The following NTM variants were observed in gnomAD, a reference collection of about 807,000 sequenced individuals.
NTM encodes the protein neurotrimin.
NTM carries 13 observed loss-of-function variants against 42.1 expected under a neutral mutation model. The ratio of observed to expected loss-of-function variants is 0.31; its 90% CI spans 0.20 to 0.49. The LOEUF (loss-of-function observed/expected upper bound fraction) is 0.49, where lower values mean the gene tolerates loss of function less well. NTM is among the 20% of genes least tolerant of loss of function. The probability of loss-of-function intolerance (pLI) is 0.99; values close to 1 mark genes in which losing one functional copy is unlikely to be tolerated. For missense variants in NTM, 373 were observed against 452.8 expected (o/e 0.82, Z 1.60); for synonymous variants, 187 against 179.2 (o/e 1.04, Z -0.35).
chr11:131,604,121 C>T (rs1316040870), intron 1 of NTM, among the ~76,000 whole-genome samples: 1 of 152,144 alleles, frequency 6.6e-6, no homozygotes, highest in African/African-American at 2.4e-5. Context: ...AAAATGTGGA[C>T]ACACCATTTG....
At chr11:131,521,383 CTTTTTTTTTTTTTTTTTTTTTTTTTTT>C (rs773233050) in intron 1 of NTM, among the ~76,000 whole-genome samples, 1 of 45,720 alleles carries the variant, frequency 2.2e-5, no homozygotes, top group Non-Finnish European at 3.9e-5. Flanking sequence ...AGGTGCCAGT[CTTTTTTTTTTTTTTTTTTTTTTTTTTT>C]TTTTTTTTTT....
chr11:131,902,669 G>T (rs1402509660), intron 1 of NTM, among the ~76,000 whole-genome samples: 1 of 152,098 alleles, frequency 6.6e-6, no homozygotes. Flanking sequence ...TATATGTTTG[G>T]TGTGGAAATG....
chr11:131,448,996 A>G (rs796527182), intron 1 of NTM, among the ~76,000 whole-genome samples: 6 of 152,312 alleles, frequency 3.9e-5, no homozygotes, highest in African/African-American at 1.2e-4. Context: ...GCAATGGCCT[A>G]CAATAGGCAC....
At chr11:132,004,694 G>T (rs1485471223) in intron 2 of NTM, among the ~76,000 whole-genome samples, 3 of 150,548 alleles carry the variant, frequency 2.0e-5, no homozygotes, top group African/African-American at 7.3e-5. Context: ...CAGGTGCATT[G>T]TATCAGCTGG....
chr11:132,058,392 C>T (rs1167036908), intron 2 of NTM, among the ~76,000 whole-genome samples: 2 of 152,166 alleles, frequency 1.3e-5, no homozygotes, highest in African/African-American at 4.8e-5. Context: ...AGAACTCTGC[C>T]CTGCGAAGCG....
chr11:131,700,698 A>T lies in NTM; in HGVS notation c.83-210866A>T, dbSNP rs76504733. ...GCACCTCATCCTCAGTGTGTGCAGA[A>T]CTGATGTAACCCTTATTCCCCTGAA... On this transcript the variant is annotated intron_variant, in intron 1 of 8. Coordinates refer to ENST00000683400, the MANE Select transcript of NTM (RefSeq NM_001352005.2). Among the ~76,000 whole-genome samples the T allele has an allele frequency of 4.7e-3, 715 of 152,332 alleles. 1 individual carries two copies. Among genetic ancestry groups the T allele is most frequent in the Middle Eastern group, 0.01 (3 of 294 alleles).
intron 2 of NTM, among the ~76,000 whole-genome samples, chr11:132,099,812 A>C (rs6590623): frequency 1.3e-5 from 2 of 152,060 alleles, no homozygotes; most frequent in Non-Finnish European, 2.9e-5. Context: ...CATAAAAAGC[A>C]TTGTAACAAC....
intron 2 of NTM, among the ~76,000 whole-genome samples, chr11:132,060,254 A>T (rs2080432608): frequency 6.6e-6 from 1 of 152,214 alleles, no homozygotes; most frequent in South Asian, 2.1e-4. Flanking sequence ...GTGTCTTATT[A>T]CAAGTCTCTT....
At chr11:132,120,928 A>G (rs574556748) in intron 2 of NTM, among the ~76,000 whole-genome samples, 37 of 152,044 alleles carry the variant, frequency 2.4e-4, no homozygotes, top group Non-Finnish European at 5.4e-4. Context: ...GTGTGTGTGT[A>G]TGTTTGAGAG....
chr11:131,953,302 C>A lies in NTM; in HGVS notation c.167+41654C>A, dbSNP rs568813480. Among the ~76,000 whole-genome samples, 3 of 152,182 alleles carry A rather than the reference C, an allele frequency of 2.0e-5. No individual in the cohort carries two copies. The South Asian group carries it at 6.2e-4, about 32-fold the overall frequency. ...TTTATAAGATAGTTTCACGATATAT[C>A]TTAGGACTAAAATTGAGATCTATCC... On this transcript the variant is annotated intron_variant, in intron 2 of 8. Transcript: ENST00000683400.
chr11:131,421,564 A>C (rs577746334), intron 1 of NTM, among the ~76,000 whole-genome samples: 1 of 152,348 alleles, frequency 6.6e-6, no homozygotes, highest in East Asian at 1.9e-4. Context: ...AAGCTACTGC[A>C]TATGCAGTTC....
At chr11:131,977,454 G>T (rs77447273) in intron 2 of NTM, among the ~76,000 whole-genome samples, 138 of 152,284 alleles carry the variant, frequency 9.1e-4, no homozygotes, top group Non-Finnish European at 7.2e-4. Context: ...TCACTCAGGC[G>T]CATACCTCTT....
At chr11:131,878,388 T>C (rs2048844077) in intron 1 of NTM, among the ~76,000 whole-genome samples, 1 of 151,368 alleles carries the variant, frequency 6.6e-6, no homozygotes, top group Non-Finnish European at 1.5e-5. Context: ...CTGGCCAACA[T>C]GGTGAAACAC....
intron 1 of NTM, among the ~76,000 whole-genome samples, chr11:131,775,160 C>G (rs997433778): frequency 3.3e-5 from 5 of 152,198 alleles, no homozygotes; most frequent in African/African-American, 1.2e-4. Flanking sequence ...AAAACAGTCA[C>G]CTGAGTTTTA....
At chr11:131,372,833 T>G (rs1359726858) in intron 1 of NTM, among the ~76,000 whole-genome samples, 2 of 152,042 alleles carry the variant, frequency 1.3e-5, no homozygotes, top group African/African-American at 4.8e-5. Flanking sequence ...AAGCATAATA[T>G]TTGCTCATAC....
intron 2 of NTM, among the ~76,000 whole-genome samples, chr11:131,995,165 G>A (rs766624177): frequency 3.3e-5 from 5 of 152,150 alleles, no homozygotes; most frequent in Non-Finnish European, 5.9e-5. Context: ...ATGATCCATG[G>A]TAAGGATGGG....
intron 1 of NTM, among the ~76,000 whole-genome samples, chr11:131,874,087 C>A (rs1204056076): frequency 2.2e-5 from 2 of 90,156 alleles, no homozygotes; most frequent in East Asian, 6.5e-4. Flanking sequence ...GGGTGTTAGT[C>A]CCAAGCCTTG....
intron 7 of NTM, among the ~76,000 whole-genome samples, chr11:132,329,479 G>T (rs1409932159): frequency 6.6e-6 from 1 of 152,250 alleles, no homozygotes; most frequent in East Asian, 1.9e-4. Context: ...AACTGTAGCA[G>T]CACGGGTGTG....
At chr11:131,775,826 A>G (rs1250117267) in intron 1 of NTM, among the ~76,000 whole-genome samples, 2 of 152,318 alleles carry the variant, frequency 1.3e-5, no homozygotes, top group African/African-American at 2.4e-5. Flanking sequence ...TTCTCTGCCA[A>G]AACACAATGG....
Sources: gnomAD v4.1 joint callset for allele counts (sites outside exome capture counted in the v4.1 genomes callset) on GRCh38, gnomAD v4.1.1 for gene constraint, MANE v1.5 for transcripts, NCBI Gene and HGNC (gene_info 2026-07-23, HGNC 2026-07-21) for gene names.